NXPE4: variants seen among roughly 807,000 people sequenced by gnomAD.
NXPE4 encodes the protein neurexophilin and PC-esterase domain family member 4, also known as NXPE family member 4.
NXPE4 carries 42 observed loss-of-function variants against 33.3 expected under a neutral mutation model. That is an observed-to-expected ratio of 1.26 (90% CI 0.98 to 1.63). NXPE4 has a LOEUF of 1.63. Ranked by LOEUF, NXPE4 falls within the 40% of genes most tolerant of loss-of-function variation. NXPE4 has a pLI of 0.00. For synonymous variants in NXPE4, 253 were observed against 234.9 expected, an observed-to-expected ratio of 1.08 and a Z score of -0.71; for missense variants, 709 against 647.6, an observed-to-expected ratio of 1.09 and a Z score of -1.03.
At chr11:114,633,620 C>T in the NXPE4 span, among the ~76,000 whole-genome samples, 1 of 151,376 alleles carries the variant, frequency 6.6e-6, no homozygotes, top group African/African-American at 2.4e-5. Flanking sequence ...CACCCTGCCC[C>T]CAGCCCACAA....
the NXPE4 span, among the ~76,000 whole-genome samples, chr11:114,662,334 T>C: frequency 6.6e-6 from 1 of 152,112 alleles, no homozygotes; most frequent in Non-Finnish European, 1.5e-5. Context: ...CACCCACAGA[T>C]AGAGCATTTA....
the NXPE4 span, among the ~76,000 whole-genome samples, chr11:114,677,319 T>C: frequency 0.092 from 14,020 of 152,142 alleles, 764 homozygotes; most frequent in Middle Eastern, 0.2. Flanking sequence ...GATGGATATG[T>C]TAATTAGCTT....
At chr11:114,574,932 T>C (rs1238370885) in intron 5 of NXPE4, among the ~76,000 whole-genome samples, 1 of 151,870 alleles carries the variant, frequency 6.6e-6, no homozygotes, top group Non-Finnish European at 1.5e-5. Flanking sequence ...ACATAGATGC[T>C]AAAATCCTCA....
chr11:114,626,155 G>C, the NXPE4 span, among the ~76,000 whole-genome samples: 2 of 152,148 alleles, frequency 1.3e-5, no homozygotes, highest in African/African-American at 4.8e-5. Context: ...CGGGAAGCTC[G>C]AACTGGGTGG....
rs553959909 is a variant in NXPE4, at chr11:114,581,255, T to C, written c.892+470A>G. 3.0e-4 allele frequency among the ~76,000 whole-genome samples: 45 copies of C among 152,310 alleles called. 1 individual carries two copies. Among genetic ancestry groups the C allele is most frequent in the African/African-American group, 9.1e-4 (38 of 41,564 alleles). On this transcript the variant is annotated intron_variant, in intron 4 of 5. Transcript: ENST00000375478. ...TTAGTAAATATAAGTGTGCAAGTTC[T>C]ATTTTTTATGCTAACAATTGTTTGA...
chr11:114,623,404 C>T, the NXPE4 span, among the ~76,000 whole-genome samples: 4 of 151,872 alleles, frequency 2.6e-5, no homozygotes, highest in Non-Finnish European at 4.4e-5. Context: ...GCAGTGGGTA[C>T]CATTGTTACC....
the NXPE4 span, among the ~76,000 whole-genome samples, chr11:114,616,989 G>T: frequency 6.7e-6 from 1 of 149,928 alleles, no homozygotes; most frequent in Admixed American, 6.6e-5. Flanking sequence ...TTTCCTTGTG[G>T]GTAACCACTG....
At chr11:114,619,550 G>A in the NXPE4 span, among the ~76,000 whole-genome samples, 1 of 150,914 alleles carries the variant, frequency 6.6e-6, no homozygotes, top group Non-Finnish European at 1.5e-5. Context: ...TGCCTTGTGG[G>A]TAACCACTGT....
chr11:114,574,032 A>G lies in NXPE4; in HGVS notation c.1100-2559T>C, dbSNP rs184555210. 2.0e-3 allele frequency among the ~76,000 whole-genome samples: 304 copies of G among 152,262 alleles called. 2 individuals carry two copies. Among genetic ancestry groups the G allele is most frequent in the African/African-American group, 6.8e-3 (283 of 41,572 alleles). ...GTACTCTCTCAGACCACAGTGGAAT[A>G]AAATTGGAAATCAGCTCCAAAAGGA... is the stretch of plus-strand genomic sequence containing the variant. On this transcript the variant is annotated intron_variant, in intron 5 of 5. Transcript: ENST00000375478.
the NXPE4 span, among the ~76,000 whole-genome samples, chr11:114,642,035 T>G: frequency 6.6e-6 from 1 of 152,172 alleles, no homozygotes; most frequent in South Asian, 2.1e-4. Flanking sequence ...ATTCTCTGCA[T>G]AGTTATTTCT....
chr11:114,615,224 C>T, the NXPE4 span, among the ~76,000 whole-genome samples: 8 of 151,962 alleles, frequency 5.3e-5, no homozygotes, highest in Non-Finnish European at 1.0e-4. Context: ...CTAAGTATCG[C>T]CTCTTGGGTA....
At chr11:114,608,659 A>T in the NXPE4 span, among the ~76,000 whole-genome samples, 1 of 151,818 alleles carries the variant, frequency 6.6e-6, no homozygotes, top group Admixed American at 6.6e-5. Context: ...AACCACTGTT[A>T]CCCGGTGGAT....
At chr11:114,587,310 T>G (rs964499864) in intron 2 of NXPE4, among the ~76,000 whole-genome samples, 5 of 152,174 alleles carry the variant, frequency 3.3e-5, no homozygotes, top group African/African-American at 1.2e-4. Flanking sequence ...AAATGGTACT[T>G]AAATAGTAAG....
At chr11:114,668,805 T>A in the NXPE4 span, among the ~76,000 whole-genome samples, 2 of 152,094 alleles carry the variant, frequency 1.3e-5, no homozygotes, top group Non-Finnish European at 2.9e-5. Flanking sequence ...ATAAGAAACT[T>A]GGCAAATCCT....
the NXPE4 span, among the ~76,000 whole-genome samples, chr11:114,664,072 G>A: frequency 6.6e-6 from 1 of 152,122 alleles, no homozygotes; most frequent in Non-Finnish European, 1.5e-5. Flanking sequence ...AAGTTTATAC[G>A]TGATTATTTA....
the NXPE4 span, among the ~76,000 whole-genome samples, chr11:114,637,418 A>G: frequency 2.6e-5 from 4 of 151,886 alleles, no homozygotes; most frequent in African/African-American, 9.7e-5. Flanking sequence ...TCTTTATCCA[A>G]TTTGCCAGTC....
At chr11:114,627,107 C>T in the NXPE4 span, among the ~76,000 whole-genome samples, 1 of 151,960 alleles carries the variant, frequency 6.6e-6, no homozygotes, top group Non-Finnish European at 1.5e-5. Flanking sequence ...AGGATATTAT[C>T]CAGGAGAACT....
At chr11:114,636,404 A>C in the NXPE4 span, among the ~76,000 whole-genome samples, 8 of 152,086 alleles carry the variant, frequency 5.3e-5, no homozygotes, top group East Asian at 1.3e-3. Flanking sequence ...TGATCCTTTC[A>C]AAAAACCAGC....
At chr11:114,655,017 C>A in the NXPE4 span, among the ~76,000 whole-genome samples, 106 of 152,326 alleles carry the variant, frequency 7.0e-4, no homozygotes, top group Non-Finnish European at 1.3e-3. Flanking sequence ...ACCATTCTGA[C>A]TGGTGTGAGA....
Sources: gnomAD v4.1 joint callset for allele counts (sites outside exome capture counted in the v4.1 genomes callset) on GRCh38, gnomAD v4.1.1 for gene constraint, MANE v1.5 for transcripts, NCBI Gene and HGNC (gene_info 2026-07-23, HGNC 2026-07-21) for gene names.